The following UPF2 variants were observed in gnomAD, a reference collection of about 807,000 sequenced individuals.
UPF2 encodes regulator of nonsense transcripts 2.
UPF2 carries 17 observed loss-of-function variants against 141.4 expected under a neutral mutation model. The ratio of observed to expected loss-of-function variants is 0.12; its 90% CI spans 0.08 to 0.18. UPF2 has a LOEUF of 0.18. Among genes scored for constraint, UPF2 ranks in the 10% least tolerant of loss-of-function variants. The pLI is 1.00. For missense variants in UPF2, 1,152 were observed against 1,515.9 expected, an observed-to-expected ratio of 0.76 and a Z score of 3.99; for synonymous variants, 540 against 498.0, an observed-to-expected ratio of 1.08 and a Z score of -1.12.
chr10:12,041,426 A>G (rs978408553), intron 1 of UPF2, among the ~76,000 whole-genome samples: 3 of 152,200 alleles, frequency 2.0e-5, no homozygotes, highest in African/African-American at 7.2e-5. Context: ...CTTGAACTGT[A>G]TATTTTATTT....
intron 11 of UPF2, among the ~76,000 whole-genome samples, chr10:11,961,172 C>T (rs1475773972): frequency 1.3e-5 from 2 of 150,930 alleles, no homozygotes; most frequent in Non-Finnish European, 2.9e-5. Context: ...GTGAACAGGA[C>T]AGACATGATT....
At chr10:11,960,708 C>T (rs1472328217) in intron 11 of UPF2, among the ~76,000 whole-genome samples, 1 of 151,126 alleles carries the variant, frequency 6.6e-6, no homozygotes, top group African/African-American at 2.4e-5. Context: ...AGTTCAAGGC[C>T]GCAGTGAGCT....
chr10:11,958,116 G>T (rs75485744), intron 12 of UPF2, among the ~76,000 whole-genome samples: 9,702 of 152,232 alleles, frequency 0.064, 555 homozygotes, highest in East Asian at 0.24. Flanking sequence ...TTGGGAGGCT[G>T]AGGCAGGAGG....
chr10:11,971,445 G>A (rs149710351), intron 9 of UPF2, among the ~76,000 whole-genome samples: 56 of 152,180 alleles, frequency 3.7e-4, no homozygotes, highest in Middle Eastern at 3.4e-3. Context: ...GTAGAGATGC[G>A]GTTTCTCCAT....
intron 15 of UPF2, among the ~76,000 whole-genome samples, chr10:11,950,365 G>A (rs917425903): frequency 4.6e-5 from 7 of 152,152 alleles, no homozygotes; most frequent in African/African-American, 1.2e-4. Flanking sequence ...AGTAGGAAAC[G>A]GATTTAATAT....
chr10:11,952,605 G>C (rs1367476224), intron 14 of UPF2, among the ~76,000 whole-genome samples: 1 of 150,380 alleles, frequency 6.6e-6, no homozygotes, highest in Non-Finnish European at 1.5e-5. Context: ...CTCCCGAGCA[G>C]CTGGGACTAC....
chr10:11,990,385 C>T lies in UPF2; in HGVS notation c.1844+7287G>A, dbSNP rs184775146. On this transcript the variant is annotated intron_variant, in intron 8 of 21. Coordinates refer to ENST00000357604, the MANE Select transcript of UPF2 (RefSeq NM_015542.4). ...GCAATGCCCATGCAGAACAGGGAAA[C>T]GGCCCCCAAAGCAACCAACATCAGA... Among the ~76,000 whole-genome samples, 525 of 152,292 alleles carry T rather than the reference C, an allele frequency of 3.4e-3. 1 individual carries two copies. Among genetic ancestry groups the T allele is most frequent in the African/African-American group, 0.012 (500 of 41,560 alleles).
intron 9 of UPF2, among the ~76,000 whole-genome samples, chr10:11,974,358 A>G (rs1334015376): frequency 6.6e-6 from 1 of 152,142 alleles, no homozygotes; most frequent in Non-Finnish European, 1.5e-5. Flanking sequence ...TTCTAATTGA[A>G]TACCCTTTAC....
chr10:11,966,041 T>G (rs1833314917), intron 10 of UPF2, among the ~76,000 whole-genome samples: 1 of 152,262 alleles, frequency 6.6e-6, no homozygotes, highest in Admixed American at 6.5e-5. Context: ...ATTTCTACTT[T>G]AATTCTATTT....
chr10:11,991,197 T>G (rs1004881550), intron 8 of UPF2, among the ~76,000 whole-genome samples: 2 of 151,908 alleles, frequency 1.3e-5, no homozygotes, highest in Non-Finnish European at 2.9e-5. Context: ...TATATGAAAA[T>G]TCTGGCCAGT....
At chr10:12,038,189 C>T (rs900204425) in intron 1 of UPF2, among the ~76,000 whole-genome samples, 2 of 152,044 alleles carry the variant, frequency 1.3e-5, no homozygotes, top group Non-Finnish European at 2.9e-5. Context: ...TTGAGTCCAG[C>T]CTGGCCAACA....
intron 8 of UPF2, among the ~76,000 whole-genome samples, chr10:11,989,153 T>G (rs1033917720): frequency 6.6e-6 from 1 of 152,218 alleles, no homozygotes; most frequent in African/African-American, 2.4e-5. Context: ...TTTACAGATC[T>G]GTAAACAGAG....
chr10:11,978,056 A>T (rs1287126688), intron 9 of UPF2, among the ~76,000 whole-genome samples: 1 of 152,204 alleles, frequency 6.6e-6, no homozygotes, highest in Admixed American at 6.5e-5. Context: ...CCCACTCTCC[A>T]ATAATTCACT....
chr10:11,959,316 G>C lies in UPF2; in HGVS notation c.2225C>G (p.Ala742Gly), dbSNP rs570251555. ...MRKKQAMHLDARYVTMVENAY... is the reference protein window; with the variant it reads ...MRKKQAMHLDGRYVTMVENAY... The stretch of plus-strand genomic sequence containing the variant: ...ATTCTCTACCATTGTGACGTATCTC[G>C]CATCAAGATGCATTGCTTGCTTCTT... The change falls in exon 12 of 22, where the codon GCG becomes GGG. Residue 742 changes from alanine to glycine, a missense_variant. Around this residue, in one of 4 missense-constraint regions of UPF2, gnomAD observed 739 missense variants for 1,032.2 expected, o/e 0.72. Coordinates refer to ENST00000357604, the MANE Select transcript of UPF2 (RefSeq NM_015542.4). The surrounding 1 kb of genome is among the most constrained non-coding windows in gnomAD (Gnocchi z 5.9). 1.3e-6 allele frequency: 2 copies of C among 1,588,120 alleles called. No homozygotes were observed. Among genetic ancestry groups the C allele is most frequent in the Non-Finnish European group, 1.7e-6 (2 of 1,172,046 alleles).
chr10:11,921,180 T>G lies in UPF2; in HGVS notation c.*118A>C. The G allele has an allele frequency of 7.1e-7, 1 of 1,415,072 alleles. No individual in the cohort carries two copies. Among genetic ancestry groups the G allele is most frequent in the Non-Finnish European group, 1.0e-6 (1 of 998,756 alleles). 87.7% of individuals were successfully genotyped at this position (1,415,072 alleles called of 1,614,324 possible). Reference sequence around the variant, plus strand: ...GCCCCAGCCTGTCCCAGGTTTAGATTCGCAACTCTCTAGACCGACCTGCTG... The same window carrying G: ...GCCCCAGCCTGTCCCAGGTTTAGATGCGCAACTCTCTAGACCGACCTGCTG... On this transcript the variant is annotated 3_prime_UTR_variant, in exon 22 of 22. Coordinates refer to ENST00000357604, the MANE Select transcript of UPF2 (RefSeq NM_015542.4). This position sits in a 1 kb window ranked among gnomAD's most constrained non-coding sequence, Gnocchi z 5.9.
intron 3 of UPF2, among the ~76,000 whole-genome samples, chr10:12,017,341 A>G (rs1834240535): frequency 6.6e-6 from 1 of 152,246 alleles, no homozygotes; most frequent in South Asian, 2.1e-4. Context: ...CAGTCCATTG[A>G]GATACATAAT....
chr10:12,018,488 G>A (rs1158894282), intron 3 of UPF2, among the ~76,000 whole-genome samples: 1 of 152,136 alleles, frequency 6.6e-6, no homozygotes, highest in African/African-American at 2.4e-5. Flanking sequence ...GGCTGAGGTA[G>A]GAGAATCACT....
At chr10:11,934,855 TG>T (rs1832829019) in intron 19 of UPF2, among the ~76,000 whole-genome samples, 1 of 152,220 alleles carries the variant, frequency 6.6e-6, no homozygotes, top group Non-Finnish European at 1.5e-5. Flanking sequence ...CCCAAAGTGC[TG>T]GGATTACAGG....
chr10:12,004,444 C>A (rs1304727700), intron 5 of UPF2, 86 bp downstream of exon 5: 1 of 1,079,938 alleles, frequency 9.3e-7, no homozygotes, highest in Non-Finnish European at 1.3e-6. Flanking sequence ...CTAGTAACTA[C>A]AATATATATA....
Sources: gnomAD v4.1 joint callset for allele counts (sites outside exome capture counted in the v4.1 genomes callset) on GRCh38, gnomAD v4.1.1 for gene constraint, gnomAD v4.1.1 regional missense constraint, Gnocchi (gnomAD v3.1) non-coding constraint, MANE v1.5 for transcripts, NCBI Gene and HGNC (gene_info 2026-07-23, HGNC 2026-07-21) for gene names.